Variants in SYT9 observed in about 807,000 individuals in gnomAD.
SYT9 encodes the protein synaptotagmin-9.
Under a neutral mutation model 48.4 loss-of-function variants are expected in SYT9, and 22 were observed. That is an observed-to-expected ratio of 0.45 (90% confidence interval 0.32 to 0.65). The LOEUF is 0.65. Among genes scored for constraint, SYT9 ranks in the 30% least tolerant of loss-of-function variants. The probability of loss-of-function intolerance (pLI) is 0.03; values close to 1 mark genes in which losing one functional copy is unlikely to be tolerated. For synonymous variants in SYT9, 265 were observed against 245.0 expected, an observed-to-expected ratio of 1.08 and a Z score of -0.76; for missense variants, 577 against 622.0, an observed-to-expected ratio of 0.93 and a Z score of 0.77.
intron 3 of SYT9, among the ~76,000 whole-genome samples, chr11:7,351,632 A>G (rs753094367): frequency 8.5e-5 from 13 of 152,220 alleles, no homozygotes; most frequent in Non-Finnish European, 1.6e-4. Context: ...ACTTTCCAGC[A>G]TCCTCATCGA....
At chr11:7,431,145 C>T (rs1326674125) in intron 6 of SYT9, among the ~76,000 whole-genome samples, 1 of 152,152 alleles carries the variant, frequency 6.6e-6, no homozygotes, top group African/African-American at 2.4e-5. Flanking sequence ...CAGTGAAGTC[C>T]AGACTGATGA....
chr11:7,332,290 A>T (rs902873151), intron 3 of SYT9, among the ~76,000 whole-genome samples: 4 of 152,192 alleles, frequency 2.6e-5, no homozygotes, highest in African/African-American at 9.7e-5. Context: ...CATGGGCTGT[A>T]GGACTCCTCT....
chr11:7,313,972 G>T, intron 3 of SYT9, 31 bp downstream of exon 3: 1 of 1,586,660 alleles, frequency 6.3e-7, no homozygotes, highest in South Asian at 1.1e-5. Context: ...TTTTTGTGGT[G>T]GGGGGCATCT....
At chr11:7,309,395 C>G (rs1157892325) in intron 2 of SYT9, among the ~76,000 whole-genome samples, 1 of 152,184 alleles carries the variant, frequency 6.6e-6, no homozygotes, top group African/African-American at 2.4e-5. Flanking sequence ...AAATACGGGA[C>G]TCCCCAGACC....
intron 3 of SYT9, among the ~76,000 whole-genome samples, chr11:7,315,045 C>T (rs1002963496): frequency 2.0e-5 from 3 of 152,216 alleles, no homozygotes; most frequent in African/African-American, 7.2e-5. Context: ...TCTCCACATG[C>T]CACAGGGTTC....
At chr11:7,289,397 A>C (rs1024946738) in intron 1 of SYT9, among the ~76,000 whole-genome samples, 1 of 152,238 alleles carries the variant, frequency 6.6e-6, no homozygotes, top group Non-Finnish European at 1.5e-5. Context: ...ATAGTGGATC[A>C]CCACTACCAC....
intron 3 of SYT9, among the ~76,000 whole-genome samples, chr11:7,332,774 C>A (rs1849563364): frequency 6.6e-6 from 1 of 152,124 alleles, no homozygotes; most frequent in African/African-American, 2.4e-5. Context: ...CATGGCTGAA[C>A]ACATGGGGAG....
intron 1 of SYT9, among the ~76,000 whole-genome samples, chr11:7,268,774 A>C (rs1045007374): frequency 6.6e-6 from 1 of 152,068 alleles, no homozygotes; most frequent in Non-Finnish European, 1.5e-5. Flanking sequence ...TCACTCTGAA[A>C]GTGTACAATG....
intron 3 of SYT9, among the ~76,000 whole-genome samples, chr11:7,383,543 C>T (rs1381337892): frequency 4.6e-5 from 7 of 152,194 alleles, no homozygotes; most frequent in Non-Finnish European, 4.4e-5. Flanking sequence ...AAGTTGCAGT[C>T]ACTGGGGAGA....
At chr11:7,351,231 C>A (rs1012710027) in intron 3 of SYT9, among the ~76,000 whole-genome samples, 1 of 152,100 alleles carries the variant, frequency 6.6e-6, no homozygotes, top group Non-Finnish European at 1.5e-5. Context: ...TTCCCTCGGT[C>A]TTTATATAAG....
chr11:7,301,858 T>A (rs144853287), intron 1 of SYT9, among the ~76,000 whole-genome samples: 159 of 152,306 alleles, frequency 1.0e-3, no homozygotes, highest in African/African-American at 3.7e-3. Flanking sequence ...GCATTCAGAT[T>A]GATGCTCAGC....
At chr11:7,336,443 G>A (rs1284348183) in intron 3 of SYT9, among the ~76,000 whole-genome samples, 2 of 152,008 alleles carry the variant, frequency 1.3e-5, no homozygotes, top group East Asian at 3.9e-4. Context: ...GTATTGCCTA[G>A]GTTGTATTCC....
At chr11:7,346,452 G>A (rs1362104226) in intron 3 of SYT9, among the ~76,000 whole-genome samples, 1 of 152,198 alleles carries the variant, frequency 6.6e-6, no homozygotes, top group Non-Finnish European at 1.5e-5. Context: ...GTTGCAGTGG[G>A]AGGGAGAGGC....
chr11:7,283,627 A>G (rs1456423982), intron 1 of SYT9, among the ~76,000 whole-genome samples: 3 of 151,770 alleles, frequency 2.0e-5, no homozygotes, highest in Non-Finnish European at 4.4e-5. Flanking sequence ...TTTTTGGTTT[A>G]ACTGACTTTT....
chr11:7,395,329 G>A (rs1211192505), intron 3 of SYT9, among the ~76,000 whole-genome samples: 1 of 152,102 alleles, frequency 6.6e-6, no homozygotes, highest in Non-Finnish European at 1.5e-5. Context: ...TATGATTGTT[G>A]AGGGGAGTAT....
At chr11:7,454,186 C>A in intron 6 of SYT9, 1 of 985,378 alleles carries the variant, frequency 1.0e-6, no homozygotes, top group Non-Finnish European at 1.2e-6. Context: ...CCCAGAATCA[C>A]CCTTCATTTT....
intron 1 of SYT9, among the ~76,000 whole-genome samples, chr11:7,272,643 G>T (rs151277592): frequency 6.6e-6 from 1 of 152,140 alleles, no homozygotes; most frequent in Non-Finnish European, 1.5e-5. Flanking sequence ...TTACCTTTTC[G>T]TGGAGGATAC....
chr11:7,338,808 A>G (rs1358820740), intron 3 of SYT9, among the ~76,000 whole-genome samples: 21 of 152,050 alleles, frequency 1.4e-4, no homozygotes. Context: ...TGATGAGAAG[A>G]ATATATATTC....
chr11:7,300,176 A>T (rs1848893027), intron 1 of SYT9, among the ~76,000 whole-genome samples: 1 of 151,832 alleles, frequency 6.6e-6, no homozygotes, highest in African/African-American at 2.4e-5. Flanking sequence ...AATACACTAA[A>T]TATTTAGTTT....
Sources: gnomAD v4.1 joint callset for allele counts (sites outside exome capture counted in the v4.1 genomes callset) on GRCh38, gnomAD v4.1.1 for gene constraint, MANE v1.5 for transcripts, NCBI Gene and HGNC (gene_info 2026-07-23, HGNC 2026-07-21) for gene names.